THSD7A: variants seen among roughly 807,000 people sequenced by gnomAD.
The protein encoded by THSD7A is thrombospondin type-1 domain-containing protein 7A.
Under a neutral mutation model 231.3 loss-of-function variants are expected in THSD7A, and 96 were observed. The observed-to-expected ratio is 0.41, with a 90% CI of 0.35 to 0.49. The LOEUF (loss-of-function observed/expected upper bound fraction) is 0.49, where lower values mean the gene tolerates loss of function less well. Ranked by LOEUF, THSD7A falls within the 20% of genes least tolerant of loss-of-function variation. The pLI is 0.05. For synonymous variants in THSD7A, 940 were observed against 743.3 expected, an observed-to-expected ratio of 1.26 and a Z score of -4.30; for missense variants, 2,290 against 2,070.2, an observed-to-expected ratio of 1.11 and a Z score of -2.06.
chr7:11,448,501 C>A (rs990461228), intron 11 of THSD7A, among the ~76,000 whole-genome samples: 16 of 152,098 alleles, frequency 1.1e-4, no homozygotes, highest in Non-Finnish European at 2.1e-4. Context: ...TAGGCTGAAA[C>A]TGCCGCTGAT....
chr7:11,818,603 T>G lies in THSD7A; in HGVS notation c.190+13154A>C, dbSNP rs1413600205. ...TTCAGAAAAATGTTGCATCTCCCACTTTTTCCCAGACAATGGCTTCCTCAG... is the reference window on the plus strand; with the variant it reads ...TTCAGAAAAATGTTGCATCTCCCACGTTTTCCCAGACAATGGCTTCCTCAG... On this transcript the variant is annotated intron_variant, in intron 1 of 27. Coordinates refer to ENST00000423059, the MANE Select transcript of THSD7A (RefSeq NM_015204.3). 2.6e-5 allele frequency among the ~76,000 whole-genome samples: 4 copies of G among 152,118 alleles called. No individual in the cohort carries two copies. In the South Asian group the frequency reaches 8.3e-4, roughly 32 times the overall value.
At chr7:11,676,847 A>C (rs549297584) in intron 1 of THSD7A, among the ~76,000 whole-genome samples, 20 of 152,304 alleles carry the variant, frequency 1.3e-4, no homozygotes, top group African/African-American at 4.6e-4. Flanking sequence ...AACACACTGC[A>C]GTGTATTATA....
chr7:11,502,083 A>G (rs1787360872), intron 6 of THSD7A, among the ~76,000 whole-genome samples: 4 of 152,172 alleles, frequency 2.6e-5, no homozygotes, highest in African/African-American at 9.7e-5. Flanking sequence ...AACCAGGAAA[A>G]AAATTGATTC....
At chr7:11,693,189 A>C (rs946478120) in intron 1 of THSD7A, among the ~76,000 whole-genome samples, 5 of 151,622 alleles carry the variant, frequency 3.3e-5, no homozygotes, top group African/African-American at 1.2e-4. Context: ...CATTTTGATT[A>C]TATAGATGTA....
chr7:11,576,490 A>G (rs967116506), intron 4 of THSD7A, among the ~76,000 whole-genome samples: 1 of 152,206 alleles, frequency 6.6e-6, no homozygotes, highest in Non-Finnish European at 1.5e-5. Context: ...GTTCACATGG[A>G]AAGAGTCACT....
chr7:11,568,169 A>G (rs1790446302), intron 4 of THSD7A, among the ~76,000 whole-genome samples: 2 of 152,096 alleles, frequency 1.3e-5, no homozygotes, highest in East Asian at 1.9e-4. Context: ...TTTAGTCCTT[A>G]TCTGTTGTAT....
At chr7:11,721,535 A>G (rs1293164307) in intron 1 of THSD7A, among the ~76,000 whole-genome samples, 2 of 109,722 alleles carry the variant, frequency 1.8e-5, no homozygotes, top group African/African-American at 6.6e-5. Context: ...AGTCAATAAA[A>G]CCTCTTTTCT....
chr7:11,428,897 A>G (rs747558928), intron 14 of THSD7A, 50 bp downstream of exon 14: 4 of 1,539,948 alleles, frequency 2.6e-6, no homozygotes, highest in Middle Eastern at 1.7e-4. Flanking sequence ...AAAAAATCAG[A>G]TCATTGTGAA....
chr7:11,506,215 T>C lies in THSD7A; in HGVS notation c.1823-24233A>G, dbSNP rs571736755. On this transcript the variant is annotated intron_variant, in intron 6 of 27. Coordinates refer to ENST00000423059, the MANE Select transcript of THSD7A (RefSeq NM_015204.3). Reference sequence around the variant, plus strand: ...GCTGTGTTAGCCATGATGGTTTCGATCTCCTGACCTTGTAATCCACCTGCC... The same window carrying C: ...GCTGTGTTAGCCATGATGGTTTCGACCTCCTGACCTTGTAATCCACCTGCC... Among the ~76,000 whole-genome samples the C allele has an allele frequency of 2.0e-5, 3 of 152,254 alleles. No individual in the cohort carries two copies. In the East Asian group the frequency reaches 5.8e-4, roughly 29 times the overall value.
chr7:11,403,112 G>A (rs1291318874), intron 22 of THSD7A, among the ~76,000 whole-genome samples: 3 of 152,106 alleles, frequency 2.0e-5, no homozygotes, highest in South Asian at 2.1e-4. Flanking sequence ...ACTCTTCAGA[G>A]TACACAGTCA....
At chr7:11,809,114 T>C (rs140940141) in intron 1 of THSD7A, among the ~76,000 whole-genome samples, 1 of 152,182 alleles carries the variant, frequency 6.6e-6, no homozygotes, top group Non-Finnish European at 1.5e-5. Context: ...ATATAATACA[T>C]GTTGAGTTAA....
chr7:11,647,407 C>T (rs1372719532), intron 1 of THSD7A, among the ~76,000 whole-genome samples: 2 of 151,980 alleles, frequency 1.3e-5, no homozygotes, highest in East Asian at 1.9e-4. Context: ...CCATATTTTG[C>T]TTACTGGCTT....
chr7:11,496,092 G>A (rs1037380334), intron 6 of THSD7A, among the ~76,000 whole-genome samples: 1 of 152,104 alleles, frequency 6.6e-6, no homozygotes, highest in African/African-American at 2.4e-5. Flanking sequence ...ATTCTAATCT[G>A]AAAGTCATGA....
chr7:11,427,538 A>G (rs996356377), intron 14 of THSD7A, among the ~76,000 whole-genome samples: 1 of 152,164 alleles, frequency 6.6e-6, no homozygotes, highest in Non-Finnish European at 1.5e-5. Flanking sequence ...AATTCACTTA[A>G]GGAAAATCTG....
intron 1 of THSD7A, chr7:11,751,410 G>A (rs1782497574): frequency 6.6e-6 from 1 of 151,964 alleles, no homozygotes; most frequent in African/African-American, 2.4e-5. Context: ...AATGAAGTGG[G>A]GGGAGGAGCC....
At chr7:11,497,839 C>A (rs567177172) in intron 6 of THSD7A, among the ~76,000 whole-genome samples, 1 of 152,230 alleles carries the variant, frequency 6.6e-6, no homozygotes, top group African/African-American at 2.4e-5. Flanking sequence ...AAGACAATGG[C>A]TCACCTGGGA....
chr7:11,815,390 C>T (rs1038063750), intron 1 of THSD7A, among the ~76,000 whole-genome samples: 2 of 151,990 alleles, frequency 1.3e-5, no homozygotes, highest in African/African-American at 4.8e-5. Context: ...TATATCATGC[C>T]TCATCTACTC....
intron 1 of THSD7A, among the ~76,000 whole-genome samples, chr7:11,660,195 A>G (rs1258327810): frequency 1.3e-5 from 2 of 151,556 alleles, no homozygotes; most frequent in African/African-American, 2.4e-5. Context: ...GAGAGTAACA[A>G]CTATGTCAAG....
In THSD7A at chr7:11,411,119, G is replaced by T; in HGVS notation, c.3798+88C>A. 2 of 929,932 alleles carry T rather than the reference G, an allele frequency of 2.2e-6. No homozygotes were observed. Among genetic ancestry groups the T allele is most frequent in the Non-Finnish European group, 3.4e-6 (2 of 595,224 alleles). 57.6% of individuals were successfully genotyped at this position (929,932 alleles called of 1,614,324 possible). A position where few individuals can be genotyped will look rare whatever the true frequency, so the allele number is the denominator to read the frequency against. ...GAAAAACATCTGCTGGCAATGAGCTGCATGGAGCACGGGTCACTTGGCTCA... is the reference window on the plus strand; with the variant it reads ...GAAAAACATCTGCTGGCAATGAGCTTCATGGAGCACGGGTCACTTGGCTCA... On this transcript the variant is annotated intron_variant, in intron 19 of 27. Transcript: ENST00000423059. This position sits in a 1 kb window ranked among gnomAD's most constrained non-coding sequence, Gnocchi z 4.1.
Sources: allele counts gnomAD v4.1 joint callset (sites outside exome capture counted in the v4.1 genomes callset), GRCh38; gene constraint gnomAD v4.1.1; non-coding constraint Gnocchi (gnomAD v3.1); transcripts MANE v1.5; gene names NCBI Gene and HGNC (gene_info 2026-07-23, HGNC 2026-07-21).